The following PARD3B variants were observed in gnomAD, a reference collection of about 807,000 sequenced individuals.
PARD3B encodes the protein partitioning defective 3 homolog B.
PARD3B carries 103 observed loss-of-function variants against 130.2 expected under a neutral mutation model. That is an observed-to-expected ratio of 0.79 (90% CI 0.67 to 0.93). The LOEUF is 0.93. Ranked by LOEUF, PARD3B falls within the 40% of genes least tolerant of loss-of-function variation. The pLI is 0.00. For missense variants in PARD3B, 1,609 were observed against 1,499.2 expected, an observed-to-expected ratio of 1.07 and a Z score of -1.21; for synonymous variants, 583 against 553.2, an observed-to-expected ratio of 1.05 and a Z score of -0.76.
intron 21 of PARD3B, among the ~76,000 whole-genome samples, chr2:205,534,461 G>GT (rs1481558862): frequency 6.6e-6 from 1 of 151,872 alleles, no homozygotes; most frequent in Non-Finnish European, 1.5e-5. Flanking sequence ...GTCTTATGGA[G>GT]TCCACTTTTT....
At chr2:204,659,987 C>T (rs1020269052) in intron 1 of PARD3B, among the ~76,000 whole-genome samples, 11 of 152,128 alleles carry the variant, frequency 7.2e-5, no homozygotes, top group African/African-American at 2.7e-4. Flanking sequence ...AACTTATTTT[C>T]AGTCTACATG....
intron 4 of PARD3B, among the ~76,000 whole-genome samples, chr2:205,054,428 ATATATATATTTTTTTTT>A (rs1196117498): frequency 3.5e-4 from 11 of 31,832 alleles, no homozygotes; most frequent in South Asian, 1.7e-3. Context: ...ATATATATAT[ATATATATATTTTTTTTT>A]TTTTTTTTTT....
chr2:205,374,520 A>C (rs1011170872), intron 18 of PARD3B, among the ~76,000 whole-genome samples: 5 of 152,218 alleles, frequency 3.3e-5, no homozygotes, highest in Non-Finnish European at 7.3e-5. Flanking sequence ...GGCATGAGCC[A>C]CTGCGTCCGG....
chr2:205,125,956 A>G lies in PARD3B; in HGVS notation c.1434+219A>G, dbSNP rs2031341788. On this transcript the variant is annotated intron_variant, in intron 10 of 22. Coordinates refer to ENST00000406610, the MANE Select transcript of PARD3B (RefSeq NM_001302769.2). This position sits in a 1 kb window ranked among gnomAD's most constrained non-coding sequence, Gnocchi z 4.0. Reference sequence around the variant, plus strand: ...AACAGTGATTCCGGGGCACAGATTCAAACACCTTTAGCAATAAGCAACTAT... The same window carrying G: ...AACAGTGATTCCGGGGCACAGATTCGAACACCTTTAGCAATAAGCAACTAT... Among the ~76,000 whole-genome samples, 1 of 152,198 alleles carries G rather than the reference A, an allele frequency of 6.6e-6. No individual in the cohort carries two copies. Among genetic ancestry groups the G allele is most frequent in the African/African-American group, 2.4e-5 (1 of 41,460 alleles).
At chr2:204,713,460 A>G (rs1040519920) in intron 2 of PARD3B, among the ~76,000 whole-genome samples, 4 of 150,906 alleles carry the variant, frequency 2.7e-5, no homozygotes, top group Non-Finnish European at 4.4e-5. Context: ...TGGCATTAAG[A>G]ACATTCACAT....
At chr2:204,771,194 T>G (rs1420737260) in intron 2 of PARD3B, among the ~76,000 whole-genome samples, 1 of 152,058 alleles carries the variant, frequency 6.6e-6, no homozygotes, top group Non-Finnish European at 1.5e-5. Flanking sequence ...TTTTTTCTTC[T>G]TCCATTTCAA....
intron 18 of PARD3B, among the ~76,000 whole-genome samples, chr2:205,380,391 G>T (rs1156903628): frequency 7.8e-5 from 2 of 25,766 alleles, no homozygotes; most frequent in African/African-American, 3.8e-4. Context: ...AATATATAAA[G>T]AATATATATT....
At chr2:205,289,825 C>T (rs1368808466) in intron 16 of PARD3B, among the ~76,000 whole-genome samples, 1 of 152,076 alleles carries the variant, frequency 6.6e-6, no homozygotes, top group African/African-American at 2.4e-5. Context: ...TGTCATGAGC[C>T]CCCTCAACGT....
intron 1 of PARD3B, among the ~76,000 whole-genome samples, chr2:204,566,878 C>T (rs2031700867): frequency 6.7e-6 from 1 of 149,108 alleles, no homozygotes; most frequent in Non-Finnish European, 1.5e-5. Flanking sequence ...GCTTTCTAAA[C>T]CTCTTTTTTT....
At chr2:204,548,573 T>C (rs910138394) in intron 1 of PARD3B, among the ~76,000 whole-genome samples, 12 of 152,232 alleles carry the variant, frequency 7.9e-5, no homozygotes, top group Non-Finnish European at 1.8e-4. Flanking sequence ...ATGTATGTTG[T>C]TATGAATTGG....
chr2:205,113,770 A>G (rs1703826708), intron 6 of PARD3B, among the ~76,000 whole-genome samples, 193 bp downstream of exon 6: 1 of 152,168 alleles, frequency 6.6e-6, no homozygotes, highest in Non-Finnish European at 1.5e-5. Context: ...GTAATGGGGA[A>G]AGAAATCAAT....
At chr2:204,627,043 G>A (rs935282553) in intron 1 of PARD3B, among the ~76,000 whole-genome samples, 3 of 152,130 alleles carry the variant, frequency 2.0e-5, no homozygotes, top group African/African-American at 7.2e-5. Context: ...CTCATGAGAT[G>A]TGGTGGTTTT....
chr2:204,876,084 C>T (rs1020161641), intron 2 of PARD3B, among the ~76,000 whole-genome samples: 19 of 152,266 alleles, frequency 1.2e-4, no homozygotes, highest in African/African-American at 4.1e-4. Flanking sequence ...CAGTTGTAAG[C>T]TATTGGCCTG....
chr2:204,641,812 GAATTTCT>G (rs2035087764), intron 1 of PARD3B, among the ~76,000 whole-genome samples: 1 of 152,126 alleles, frequency 6.6e-6, no homozygotes, highest in South Asian at 2.1e-4. Flanking sequence ...TCCAATGCTA[GAATTTCT>G]AAGAAATCAG....
intron 2 of PARD3B, among the ~76,000 whole-genome samples, chr2:204,950,856 C>T (rs1300744357): frequency 1.3e-5 from 2 of 152,030 alleles, no homozygotes; most frequent in Non-Finnish European, 2.9e-5. Context: ...TTTTAAACCA[C>T]AATCTGGAAT....
intron 3 of PARD3B, among the ~76,000 whole-genome samples, chr2:204,977,840 G>A (rs377197939): frequency 7.5e-5 from 11 of 146,462 alleles, no homozygotes; most frequent in African/African-American, 2.0e-4. Context: ...AAAAAGAATA[G>A]GGAGCCTTTA....
rs1276122646 is a variant in PARD3B at position 205,021,701 on chromosome 2, G to C, written c.395-25880G>C. On this transcript the variant is annotated intron_variant, in intron 3 of 22. Coordinates refer to ENST00000406610, the MANE Select transcript of PARD3B (RefSeq NM_001302769.2). The surrounding 1 kb of genome is among the most constrained non-coding windows in gnomAD (Gnocchi z 4.5). ...TTCAATGACCCTGTGTCTTTCTTTG[G>C]ATAGAAATTTAAAATAAACTTCCAT... 7.1e-6 allele frequency among the ~76,000 whole-genome samples: 1 copy of C among 141,250 alleles called. No homozygotes were observed. The allele number at this position is 141,250 out of a possible 152,430, so 92.7% of individuals were successfully genotyped here.
intron 2 of PARD3B, among the ~76,000 whole-genome samples, chr2:204,942,594 T>C (rs898691466): frequency 6.6e-6 from 1 of 152,112 alleles, no homozygotes; most frequent in South Asian, 2.1e-4. Flanking sequence ...AAGCTTTAAC[T>C]TTCTTTTTTT....
At position 205,616,353 on chromosome 2, in the gene PARD3B, AC is replaced by A. The variant is rs1162486973; in HGVS notation, c.*541del. Reference sequence around the variant, plus strand: ...ATAGGTTTTTTGACTAAGAAAAAAAACAACAGCAAACATGACTAGTGATCTT... The same window carrying A: ...ATAGGTTTTTTGACTAAGAAAAAAAAAACAGCAAACATGACTAGTGATCTT... On this transcript the variant is annotated 3_prime_UTR_variant, in exon 23 of 23. Transcript: ENST00000406610. The A allele has an allele frequency of 8.5e-5, 13 of 152,534 alleles. No homozygotes were observed. The highest frequency in any genetic ancestry group is 3.1e-4 in the African/African-American group (13 of 41,472). 9.4% of individuals were successfully genotyped at this position (152,534 alleles called of 1,614,324 possible).
Sources: allele counts gnomAD v4.1 joint callset (sites outside exome capture counted in the v4.1 genomes callset), GRCh38; gene constraint gnomAD v4.1.1; non-coding constraint Gnocchi (gnomAD v3.1); transcripts MANE v1.5; gene names NCBI Gene and HGNC (gene_info 2026-07-23, HGNC 2026-07-21).